PRKN: variants seen among roughly 807,000 people sequenced by gnomAD.
PRKN encodes E3 ubiquitin-protein ligase parkin.
In PRKN, 56 loss-of-function variants were observed where a neutral mutation model predicts 59.5. That is an observed-to-expected ratio of 0.94 (90% CI 0.76 to 1.18). PRKN has a LOEUF of 1.18. PRKN is among the 50% of genes most tolerant of loss of function. PRKN has a pLI of 0.00. For synonymous variants in PRKN, 250 were observed against 222.1 expected (o/e 1.13, Z -1.12); for missense variants, 657 against 596.4 (o/e 1.10, Z -1.06).
chr6:162,328,424 T>C (rs897856668), intron 2 of PRKN, among the ~76,000 whole-genome samples: 3 of 152,188 alleles, frequency 2.0e-5, no homozygotes, highest in Non-Finnish European at 4.4e-5. Flanking sequence ...CTGCTTGTTC[T>C]GTGAACACAG....
intron 2 of PRKN, among the ~76,000 whole-genome samples, chr6:162,336,380 T>C (rs2128126369): frequency 6.6e-6 from 1 of 152,242 alleles, no homozygotes; most frequent in East Asian, 1.9e-4. Context: ...CAGGGGAATG[T>C]CTGGGTAATG....
chr6:162,580,657 G>A (rs1404293117), intron 1 of PRKN, among the ~76,000 whole-genome samples: 1 of 152,068 alleles, frequency 6.6e-6, no homozygotes, highest in East Asian at 1.9e-4. Context: ...ATGTGAGAAG[G>A]TCCATGAACT....
rs755870860 is a variant in PRKN, at chr6:161,396,592, A to G, written c.1084-9715T>C. On this transcript the variant is annotated intron_variant, in intron 9 of 11. Coordinates refer to ENST00000366898, the MANE Select transcript of PRKN (RefSeq NM_004562.3). The surrounding 1 kb of genome is among the most constrained non-coding windows in gnomAD (Gnocchi z 5.4). ...CATTCATTAGTAAAACGCACAGCAT[A>G]TGTCTTCTATAATTTTTAACTGGTC... 1.3e-5 allele frequency among the ~76,000 whole-genome samples: 2 copies of G among 152,158 alleles called. No individual in the cohort carries two copies. The highest frequency in any genetic ancestry group is 6.5e-5 in the Admixed American group (1 of 15,272).
chr6:162,021,119 CATAT>C lies in PRKN; in HGVS notation c.618+32968_618+32971del, dbSNP rs869269519. On this transcript the variant is annotated intron_variant, in intron 5 of 11. Coordinates refer to ENST00000366898, the MANE Select transcript of PRKN (RefSeq NM_004562.3). ...CTCTGTCTCAAAAAAAAAACAAAAA[CATAT>C]ATATATATATATATATATATATATA... 5.8e-3 allele frequency among the ~76,000 whole-genome samples: 268 copies of C among 46,400 alleles called. 5 individuals carry two copies. Among genetic ancestry groups the C allele is most frequent in the Non-Finnish European group, 9.6e-3 (201 of 20,908 alleles). 30.4% of individuals were successfully genotyped at this position (46,400 alleles called of 152,430 possible).
intron 3 of PRKN, among the ~76,000 whole-genome samples, chr6:162,237,123 G>GT (rs1238019080): frequency 6.6e-6 from 1 of 152,074 alleles, no homozygotes; most frequent in Non-Finnish European, 1.5e-5. Context: ...ATTTGACAGG[G>GT]TTTTTAATGA....
rs951825321 is a variant in PRKN at position 161,552,575 on chromosome 6, G to GA, written c.934-3573dup. 9.6e-5 allele frequency among the ~76,000 whole-genome samples: 14 copies of GA among 146,040 alleles called. No homozygotes were observed. The highest frequency in any genetic ancestry group is 1.3e-4 in the Non-Finnish European group (9 of 67,238). ...TGACCTGTCCAAATCCTTCCACATT[G>GA]AAAAAAAACAAAAACAAAAAACAAA... On this transcript the variant is annotated intron_variant, in intron 8 of 11. Transcript: ENST00000366898. This position sits in a 1 kb window ranked among gnomAD's most constrained non-coding sequence, Gnocchi z 4.9.
At chr6:161,816,312 T>C (rs557568588) in intron 6 of PRKN, among the ~76,000 whole-genome samples, 4 of 151,638 alleles carry the variant, frequency 2.6e-5, no homozygotes, top group South Asian at 2.1e-4. Flanking sequence ...AACTAATCTA[T>C]GGGGACAGAG....
intron 1 of PRKN, among the ~76,000 whole-genome samples, chr6:162,599,340 G>A (rs1171451431): frequency 6.6e-6 from 1 of 152,126 alleles, no homozygotes; most frequent in African/African-American, 2.4e-5. Context: ...CTGTGGCCTT[G>A]ATGGTGGACC....
At position 162,457,853 on chromosome 6, in the gene PRKN, G is replaced by A. The variant is rs138776060; in HGVS notation, c.8-14380C>T. 2.9e-3 allele frequency among the ~76,000 whole-genome samples: 439 copies of A among 152,170 alleles called. 1 individual carries two copies. The highest frequency in any genetic ancestry group is 0.01 in the African/African-American group (420 of 41,510). On this transcript the variant is annotated intron_variant, in intron 1 of 11. Transcript: ENST00000366898. ...AAGAGGTTTGTGGCCGGGCGTGGTG[G>A]CTCTCATCTGTAATCCCAGCACTTT...
intron 1 of PRKN, among the ~76,000 whole-genome samples, chr6:162,706,761 T>C (rs1159496973): frequency 6.6e-6 from 1 of 152,236 alleles, no homozygotes; most frequent in East Asian, 1.9e-4. Flanking sequence ...GCATTGTTTT[T>C]ATCTATTTCA....
intron 1 of PRKN, among the ~76,000 whole-genome samples, chr6:162,487,394 T>A (rs1354486766): frequency 6.6e-6 from 1 of 152,168 alleles, no homozygotes; most frequent in Non-Finnish European, 1.5e-5. Flanking sequence ...TCTGAGGCTG[T>A]GTGTATCTCC....
intron 6 of PRKN, among the ~76,000 whole-genome samples, chr6:161,843,722 G>A (rs1178642192): frequency 1.3e-5 from 2 of 152,158 alleles, no homozygotes; most frequent in Non-Finnish European, 2.9e-5. Flanking sequence ...CCTGGGAGGC[G>A]GAGGTTAGAG....
intron 7 of PRKN, among the ~76,000 whole-genome samples, chr6:161,635,298 G>A (rs895844460): frequency 6.6e-6 from 1 of 152,198 alleles, no homozygotes; most frequent in Admixed American, 6.5e-5. Context: ...GAATATAGTA[G>A]AATCGCTTCT....
At chr6:162,498,392 C>T (rs920918586) in intron 1 of PRKN, among the ~76,000 whole-genome samples, 40 of 39,348 alleles carry the variant, frequency 1.0e-3, no homozygotes, top group Non-Finnish European at 1.8e-3. Context: ...TTCTTTCTTT[C>T]CTTTTTTTTT....
At chr6:162,188,219 C>T (rs150437449) in intron 4 of PRKN, among the ~76,000 whole-genome samples, 253 of 152,248 alleles carry the variant, frequency 1.7e-3, no homozygotes, top group African/African-American at 5.9e-3. Context: ...TGCTCAGTCT[C>T]GGGTATGTCT....
At chr6:161,880,600 C>T (rs1794898098) in intron 6 of PRKN, among the ~76,000 whole-genome samples, 2 of 152,150 alleles carry the variant, frequency 1.3e-5, no homozygotes, top group Admixed American at 6.5e-5. Flanking sequence ...CACCGGCCCA[C>T]GAGGTGGGGT....
intron 3 of PRKN, among the ~76,000 whole-genome samples, chr6:162,244,905 TAAAAGAAGGAATGATA>T: frequency 6.6e-6 from 1 of 152,036 alleles, no homozygotes; most frequent in African/African-American, 2.4e-5. Context: ...CAGTTCTCCA[TAAAAGAAGGAATGATA>T]ATTATGGCCC....
chr6:162,559,833 A>G (rs1410675049), intron 1 of PRKN, among the ~76,000 whole-genome samples: 1 of 139,458 alleles, frequency 7.2e-6, no homozygotes, highest in Non-Finnish European at 1.6e-5. Flanking sequence ...TAGAAATTAA[A>G]TAGGTGGCTA....
At chr6:161,897,026 T>C (rs982766981) in intron 6 of PRKN, among the ~76,000 whole-genome samples, 1 of 152,232 alleles carries the variant, frequency 6.6e-6, no homozygotes, top group Admixed American at 6.5e-5. Flanking sequence ...CAATGACCGA[T>C]GATATAGTTT....
Sources: allele counts gnomAD v4.1 joint callset (sites outside exome capture counted in the v4.1 genomes callset), GRCh38; gene constraint gnomAD v4.1.1; non-coding constraint Gnocchi (gnomAD v3.1); transcripts MANE v1.5; gene names NCBI Gene and HGNC (gene_info 2026-07-23, HGNC 2026-07-21).